The following AGBL1 variants were observed in gnomAD, a reference collection of about 807,000 sequenced individuals.
AGBL1 encodes cytosolic carboxypeptidase 4.
AGBL1 carries 130 observed loss-of-function variants against 118.9 expected under a neutral mutation model. The ratio of observed to expected loss-of-function variants is 1.09; its 90% CI spans 0.95 to 1.26. The LOEUF is 1.26. Ranked by LOEUF, AGBL1 falls within the 50% of genes most tolerant of loss-of-function variation. AGBL1 has a pLI of 0.00. For missense variants in AGBL1, 1,584 were observed against 1,298.1 expected (o/e 1.22, Z -3.38); for synonymous variants, 555 against 478.9 (o/e 1.16, Z -2.08).
At chr15:86,617,229 G>A (rs1220200237) in intron 21 of AGBL1, among the ~76,000 whole-genome samples, 1 of 152,188 alleles carries the variant, frequency 6.6e-6, no homozygotes, top group African/African-American at 2.4e-5. Context: ...TCATTCGACA[G>A]AATTGATGTT....
At chr15:86,674,498 C>T (rs1323278068) in intron 22 of AGBL1, 62 bp downstream of exon 22, 8 of 1,517,194 alleles carry the variant, frequency 5.3e-6, no homozygotes, top group East Asian at 2.3e-5. Flanking sequence ...CTCAATATCT[C>T]AGTAATGAAA....
At position 86,873,068 on chromosome 15, in the gene AGBL1, GGT is replaced by G. The variant is rs1445637203; in HGVS notation, c.3159-34018_3159-34017del. Among the ~76,000 whole-genome samples, 3 of 152,240 alleles carry G rather than the reference GGT, an allele frequency of 2.0e-5. No individual in the cohort carries two copies. In the East Asian group the frequency reaches 5.8e-4, roughly 29 times the overall value. On this transcript the variant is annotated intron_variant, in intron 22 of 22. Transcript: ENST00000614907. Reference sequence around the variant, plus strand: ...AGCTCCAATTTGCTGCCAAACCCCAGGTCTCCACAGGTGGGAACTGAAGAAAA... The same window carrying G: ...AGCTCCAATTTGCTGCCAAACCCCAGCTCCACAGGTGGGAACTGAAGAAAA...
intron 17 of AGBL1, among the ~76,000 whole-genome samples, chr15:86,368,088 G>A (rs921163717): frequency 1.8e-4 from 28 of 152,062 alleles, no homozygotes; most frequent in African/African-American, 6.3e-4. Flanking sequence ...TCACGACTTC[G>A]GGATTTGTTT....
At chr15:86,333,758 T>C (rs2141867862) in intron 17 of AGBL1, among the ~76,000 whole-genome samples, 1 of 152,300 alleles carries the variant, frequency 6.6e-6, no homozygotes, top group South Asian at 2.1e-4. Flanking sequence ...TCAATACCTC[T>C]GATAAACATA....
In AGBL1 at chr15:86,134,693, AACGTCTGCC is replaced by A. The variant is rs147805228; in HGVS notation, c.52-7308_52-7300del. The stretch of plus-strand genomic sequence containing the variant: ...CAGTGGCATGATCTCGGCTCACTGT[AACGTCTGCC>A]ACCCAGGTTCAAACGACTCTTCTGC... On this transcript the variant is annotated intron_variant, in intron 1 of 22. Transcript: ENST00000614907. Among the ~76,000 whole-genome samples the A allele has an allele frequency of 4.3e-3, 590 of 137,714 alleles. 6 individuals carry two copies. The highest frequency in any genetic ancestry group is 0.015 in the African/African-American group (562 of 37,482). 90.3% of individuals were successfully genotyped at this position (137,714 alleles called of 152,430 possible).
chr15:86,799,499 T>C (rs558085992), intron 22 of AGBL1, among the ~76,000 whole-genome samples: 1 of 152,290 alleles, frequency 6.6e-6, no homozygotes, highest in East Asian at 1.9e-4. Flanking sequence ...AATGCACGGC[T>C]ATACCACATT....
chr15:86,639,665 A>T (rs1271698879), intron 21 of AGBL1, among the ~76,000 whole-genome samples: 1 of 152,072 alleles, frequency 6.6e-6, no homozygotes, highest in African/African-American at 2.4e-5. Flanking sequence ...TTCCATCTCT[A>T]GATGACAAAT....
At chr15:86,517,916 CT>C (rs1231739250) in intron 18 of AGBL1, among the ~76,000 whole-genome samples, 3 of 152,148 alleles carry the variant, frequency 2.0e-5, no homozygotes, top group Non-Finnish European at 2.9e-5. Context: ...ATCTCTTTGC[CT>C]TCATAGATAT....
intron 22 of AGBL1, among the ~76,000 whole-genome samples, chr15:86,774,505 C>T (rs2078225478): frequency 1.3e-5 from 2 of 151,936 alleles, no homozygotes; most frequent in South Asian, 4.1e-4. Context: ...AACAGAGTAT[C>T]TGACTTCAAA....
chr15:86,332,236 A>T (rs376191751), intron 17 of AGBL1, among the ~76,000 whole-genome samples: 2 of 152,326 alleles, frequency 1.3e-5, no homozygotes, highest in South Asian at 4.1e-4. Context: ...ACATTGGAAC[A>T]TCTAGATTTA....
chr15:86,384,041 C>T (rs1051711288), intron 17 of AGBL1, among the ~76,000 whole-genome samples: 1 of 152,098 alleles, frequency 6.6e-6, no homozygotes, highest in Non-Finnish European at 1.5e-5. Flanking sequence ...AATGAGTCTT[C>T]GTGGAGCATG....
chr15:86,547,826 G>A (rs184050102), intron 20 of AGBL1, among the ~76,000 whole-genome samples: 2 of 152,138 alleles, frequency 1.3e-5, no homozygotes, highest in African/African-American at 4.8e-5. Flanking sequence ...ATTACATCAA[G>A]TTTGTTGGTG....
At chr15:86,776,760 G>C (rs200576119) in intron 22 of AGBL1, among the ~76,000 whole-genome samples, 1 of 89,274 alleles carries the variant, frequency 1.1e-5, no homozygotes, top group East Asian at 3.3e-4. Flanking sequence ...ATGTGTGTGT[G>C]TGTGTGTGTG....
At chr15:86,682,054 C>T (rs1163434931) in intron 22 of AGBL1, among the ~76,000 whole-genome samples, 1 of 152,180 alleles carries the variant, frequency 6.6e-6, no homozygotes, top group Non-Finnish European at 1.5e-5. Context: ...TAATAGCTCT[C>T]TTTAATTATC....
chr15:86,973,950 TTAAA>T (rs1416855310), intron 23 of AGBL1, among the ~76,000 whole-genome samples: 1 of 143,470 alleles, frequency 7.0e-6, no homozygotes, highest in African/African-American at 2.5e-5. Context: ...ATTTAATATA[TTAAA>T]TATAAACATA....
At chr15:86,158,555 C>T (rs550544330) in intron 4 of AGBL1, among the ~76,000 whole-genome samples, 2 of 152,298 alleles carry the variant, frequency 1.3e-5, no homozygotes, top group African/African-American at 4.8e-5. Flanking sequence ...TCCTTGGAGA[C>T]AAGAGTAATA....
At chr15:86,239,003 G>C (rs574536115) in intron 6 of AGBL1, among the ~76,000 whole-genome samples, 4 of 150,790 alleles carry the variant, frequency 2.7e-5, no homozygotes, top group Middle Eastern at 3.2e-3. Context: ...ATGTGCTGAG[G>C]GTGGGGGAAG....
At chr15:86,975,361 G>A (rs141926566) in intron 23 of AGBL1, among the ~76,000 whole-genome samples, 2 of 151,976 alleles carry the variant, frequency 1.3e-5, no homozygotes, top group African/African-American at 4.8e-5. Flanking sequence ...ACAAAAATCA[G>A]ATCTCATGAG....
At chr15:86,919,042 C>G (rs2080458282), downstream of AGBL1, among the ~76,000 whole-genome samples, 1 of 152,030 alleles carries the variant, frequency 6.6e-6, no homozygotes, top group Non-Finnish European at 1.5e-5. Context: ...CATAGTAATG[C>G]TAGGGATACC....
Sources: allele counts gnomAD v4.1 joint callset (sites outside exome capture counted in the v4.1 genomes callset), GRCh38; gene constraint gnomAD v4.1.1; transcripts MANE v1.5; gene names NCBI Gene and HGNC (gene_info 2026-07-23, HGNC 2026-07-21).